The following TIAM1 variants were observed in gnomAD, a reference collection of about 807,000 sequenced individuals.
The protein encoded by TIAM1 is rho guanine nucleotide exchange factor TIAM1.
TIAM1 carries 65 observed loss-of-function variants against 163.5 expected under a neutral mutation model. The ratio of observed to expected loss-of-function variants is 0.40; its 90% confidence interval spans 0.33 to 0.49. The LOEUF (loss-of-function observed/expected upper bound fraction) is 0.49, where lower values mean the gene tolerates loss of function less well. Ranked by LOEUF, TIAM1 falls within the 20% of genes least tolerant of loss-of-function variation. The pLI is 0.77. For missense variants in TIAM1, 1,789 were observed against 2,044.7 expected (o/e 0.87, Z 2.41); for synonymous variants, 833 against 810.1 (o/e 1.03, Z -0.48).
intron 1 of TIAM1, among the ~76,000 whole-genome samples, chr21:31,554,252 A>G (rs2048794777): frequency 1.3e-5 from 2 of 152,254 alleles, no homozygotes; most frequent in African/African-American, 2.4e-5. Context: ...TTGGACACTC[A>G]GCCCCACTGC....
intron 4 of TIAM1, among the ~76,000 whole-genome samples, chr21:31,265,772 T>C (rs2072723178): frequency 6.6e-6 from 1 of 152,138 alleles, no homozygotes; most frequent in Admixed American, 6.6e-5. Context: ...TTCCCACTCC[T>C]ATCACATCGC....
chr21:31,365,219 T>A (rs560172190), intron 2 of TIAM1, among the ~76,000 whole-genome samples: 2 of 152,160 alleles, frequency 1.3e-5, no homozygotes, highest in Non-Finnish European at 2.9e-5. Flanking sequence ...CCCCAGCAGA[T>A]CCTGGGAAGA....
At chr21:31,319,085 C>T (rs1313204613) in intron 2 of TIAM1, among the ~76,000 whole-genome samples, 1 of 152,148 alleles carries the variant, frequency 6.6e-6, no homozygotes. Flanking sequence ...ACAATTGGGC[C>T]TCAGTTTCTA....
rs551501073 is a variant in TIAM1, at chr21:31,471,870, A to AAATAATAATAAT, written c.-421-7847_-421-7836dup. Reference sequence around the variant, plus strand: ...GGCAACAAGAGCGAAACTCCATCTCAAATAATAATAATAATAATAATAATA... The same window carrying AAATAATAATAAT: ...GGCAACAAGAGCGAAACTCCATCTCAAATAATAATAATAATAATAATAATAATAATAATAATA... On this transcript the variant is annotated intron_variant, in intron 1 of 28. Coordinates refer to the TIAM1 transcript ENST00000286827. Among the ~76,000 whole-genome samples the AAATAATAATAAT allele has an allele frequency of 4.8e-3, 572 of 118,916 alleles. 9 individuals are homozygous for AAATAATAATAAT. Among genetic ancestry groups the AAATAATAATAAT allele is most frequent in the African/African-American group, 0.018 (540 of 29,670 alleles). The allele number at this position is 118,916 out of a possible 152,430, so 78.0% of individuals were successfully genotyped here.
intron 15 of TIAM1, among the ~76,000 whole-genome samples, chr21:31,177,103 C>G (rs2084799593): frequency 6.6e-6 from 1 of 152,130 alleles, no homozygotes; most frequent in Non-Finnish European, 1.5e-5. Context: ...CTCATGTCCC[C>G]CATAAGAGAA....
At chr21:31,325,661 C>T (rs1290584075) in intron 2 of TIAM1, among the ~76,000 whole-genome samples, 4 of 139,520 alleles carry the variant, frequency 2.9e-5, no homozygotes, top group Non-Finnish European at 6.1e-5. Flanking sequence ...GAGCAAGACT[C>T]TGACTCAAAA....
At chr21:31,169,433 C>T (rs75944705) in intron 15 of TIAM1, among the ~76,000 whole-genome samples, 2,337 of 152,166 alleles carry the variant, frequency 0.015, 18 homozygotes, top group Middle Eastern at 0.051. Flanking sequence ...TGTAAATTGA[C>T]GAAATGAGAG....
At chr21:31,191,631 T>A (rs2085566655) in intron 13 of TIAM1, among the ~76,000 whole-genome samples, 1 of 151,360 alleles carries the variant, frequency 6.6e-6, no homozygotes. Context: ...CACAAAAGAG[T>A]GGAAATTAAA....
intron 2 of TIAM1, among the ~76,000 whole-genome samples, chr21:31,451,314 C>A (rs1022355147): frequency 6.6e-6 from 1 of 152,120 alleles, no homozygotes; most frequent in Non-Finnish European, 1.5e-5. Flanking sequence ...GACTGGCTGC[C>A]AAACAGCAGC....
intron 1 of TIAM1, among the ~76,000 whole-genome samples, chr21:31,543,741 G>A (rs1410413294): frequency 6.6e-6 from 1 of 152,190 alleles, no homozygotes; most frequent in Non-Finnish European, 1.5e-5. Flanking sequence ...TGGCTCAAAG[G>A]ATTTGAACAA....
intron 1 of TIAM1, among the ~76,000 whole-genome samples, chr21:31,471,458 T>C (rs1209230553): frequency 7.0e-6 from 1 of 142,500 alleles, no homozygotes; most frequent in Non-Finnish European, 1.6e-5. Flanking sequence ...TTGGGATTAG[T>C]ATCAGAGCTC....
rs185047827 is a variant in TIAM1, at chr21:31,144,586, G to A, written c.3475+2309C>T. Among the ~76,000 whole-genome samples the A allele has an allele frequency of 5.9e-5, 9 of 152,204 alleles. No individual in the cohort carries two copies. In the East Asian group the frequency reaches 1.4e-3, roughly 23 times the overall value. ...ATCACACCTGTAATCCGAGCACTCC[G>A]GGAAGCCAAGGCGGGCAGATCACCT... On this transcript the variant is annotated intron_variant, in intron 20 of 27. Coordinates refer to ENST00000541036, the MANE Select transcript of TIAM1 (RefSeq NM_001353694.2).
chr21:31,532,138 C>A (rs1227413127), intron 1 of TIAM1, among the ~76,000 whole-genome samples: 1 of 152,030 alleles, frequency 6.6e-6, no homozygotes, highest in East Asian at 1.9e-4. Flanking sequence ...AAGAAACCAA[C>A]AGCAAGCAAT....
At chr21:31,502,700 T>C (rs1000115302) in intron 1 of TIAM1, among the ~76,000 whole-genome samples, 1 of 152,222 alleles carries the variant, frequency 6.6e-6, no homozygotes, top group African/African-American at 2.4e-5. Context: ...AGTTTCCTGG[T>C]TCACTCCGGA....
intron 2 of TIAM1, among the ~76,000 whole-genome samples, chr21:31,325,567 C>A (rs1008138733): frequency 2.9e-4 from 44 of 151,104 alleles, no homozygotes; most frequent in African/African-American, 1.0e-3. Flanking sequence ...ACTCGGGAAG[C>A]TGAGGCATGA....
intron 1 of TIAM1, among the ~76,000 whole-genome samples, chr21:31,554,447 T>A (rs899618982): frequency 1.3e-5 from 2 of 152,066 alleles, no homozygotes; most frequent in Admixed American, 6.5e-5. Context: ...ACAGAAAACA[T>A]CCATATTATA....
intron 4 of TIAM1, among the ~76,000 whole-genome samples, chr21:31,260,170 T>G (rs2072376553): frequency 1.4e-5 from 2 of 147,494 alleles, no homozygotes; most frequent in South Asian, 4.2e-4. Flanking sequence ...AAAAATATAT[T>G]TTTAATATAA....
Position 31,153,095 on chromosome 21 carries a change from G to A in TIAM1, c.3211C>T (p.Gln1071Ter). 6.2e-7 allele frequency: 1 copy of A among 1,613,568 alleles called. No homozygotes were observed. Among genetic ancestry groups the A allele is most frequent in the Non-Finnish European group, 8.5e-7 (1 of 1,179,886 alleles). Residue 1071 changes from glutamine (Q) to a stop codon, truncating the protein, a stop_gained, in exon 18 of 28, where the codon CAA (glutamine) becomes TAA (stop). Transcript: ENST00000541036. LOFTEE classifies it high-confidence loss of function. ...CLMERYLKPL[Q>*]KETFLTQDEL... Reference sequence around the variant, plus strand: ...TCCTGGGTGAGAAAAGTTTCTTTTTGAAGAGGCTTTAGGTATCTCTCCATA... The same window carrying A: ...TCCTGGGTGAGAAAAGTTTCTTTTTAAAGAGGCTTTAGGTATCTCTCCATA...
At chr21:31,407,629 ATTTTTTTTTTTTTTTT>A (rs562921160) in intron 2 of TIAM1, among the ~76,000 whole-genome samples, 15 of 94,088 alleles carry the variant, frequency 1.6e-4, no homozygotes, top group African/African-American at 6.2e-4. Flanking sequence ...TTTGCTCTTA[ATTTTTTTTTTTTTTTT>A]TTTTTTTTTG....
Sources: allele counts gnomAD v4.1 joint callset (sites outside exome capture counted in the v4.1 genomes callset), GRCh38; gene constraint gnomAD v4.1.1; transcripts MANE v1.5; gene names NCBI Gene and HGNC (gene_info 2026-07-23, HGNC 2026-07-21).